Variants in SEMA5A observed in about 807,000 individuals in gnomAD.
The protein encoded by SEMA5A is semaphorin 5A.
A neutral mutation model predicts 135.5 loss-of-function variants in SEMA5A; 55 were observed. The observed-to-expected ratio is 0.41, with a 90% confidence interval of 0.33 to 0.51. The LOEUF (loss-of-function observed/expected upper bound fraction) is 0.51. Among genes scored for constraint, SEMA5A ranks in the 20% least tolerant of loss-of-function variants. The pLI is 0.37. For synonymous variants in SEMA5A, 580 were observed against 546.5 expected (o/e 1.06, Z -0.85); for missense variants, 1,290 against 1,419.9 (o/e 0.91, Z 1.47).
At chr5:9,353,389 AAAGG>A (rs1754298294) in intron 3 of SEMA5A, among the ~76,000 whole-genome samples, 2 of 148,044 alleles carry the variant, frequency 1.4e-5, no homozygotes, top group African/African-American at 5.1e-5. Context: ...AAAGGAAAGG[AAAGG>A]AAGGGAAAGA....
At chr5:9,054,294 C>A (rs761010458) in intron 18 of SEMA5A, 37 bp from the exon 19 acceptor site, 2 of 1,582,444 alleles carry the variant, frequency 1.3e-6, no homozygotes, top group South Asian at 1.2e-5. Flanking sequence ...CTTCTATAAT[C>A]CAATCCCAAC....
chr5:9,505,262 GAAGGCAA>G (rs915062279), intron 1 of SEMA5A, among the ~76,000 whole-genome samples: 4 of 152,146 alleles, frequency 2.6e-5, no homozygotes, highest in Non-Finnish European at 5.9e-5. Context: ...CTTATTTCTA[GAAGGCAA>G]AAGGCAAAAG....
At position 9,036,218 on chromosome 5, in the gene SEMA5A, C is replaced by CAA. The variant is rs773328261; in HGVS notation, c.*6677_*6678dup. On this transcript the variant is annotated 3_prime_UTR_variant, in exon 23 of 23. Transcript: ENST00000382496. Reference sequence around the variant, plus strand: ...TAAAGATTCATACTGTGCTTTGTTTCAAAGTGCAGAGGTTCAGCTTGCTTT... The same window carrying CAA: ...TAAAGATTCATACTGTGCTTTGTTTCAAAAAGTGCAGAGGTTCAGCTTGCTTT... 3.9e-5 allele frequency: 6 copies of CAA among 152,146 alleles called. No homozygotes were observed. The highest frequency in any genetic ancestry group is 7.3e-5 in the Non-Finnish European group (5 of 68,036). 9.4% of individuals were successfully genotyped at this position (152,146 alleles called of 1,614,324 possible).
At chr5:9,155,479 C>T (rs940557067) in intron 11 of SEMA5A, among the ~76,000 whole-genome samples, 2 of 151,176 alleles carry the variant, frequency 1.3e-5, no homozygotes, top group African/African-American at 2.5e-5. Flanking sequence ...ATTGCTCTCC[C>T]AGGTACCCTG....
chr5:9,162,763 A>T (rs1329182596), intron 11 of SEMA5A, among the ~76,000 whole-genome samples: 1 of 151,732 alleles, frequency 6.6e-6, no homozygotes, highest in Non-Finnish European at 1.5e-5. Context: ...AAACAGTCAA[A>T]GATATGATGG....
intron 16 of SEMA5A, among the ~76,000 whole-genome samples, chr5:9,093,115 T>C (rs1411365543): frequency 6.6e-6 from 1 of 152,182 alleles, no homozygotes; most frequent in African/African-American, 2.4e-5. Context: ...TTAGGAGTAC[T>C]TACTAAGGTA....
chr5:9,504,273 A>G (rs995078058), intron 1 of SEMA5A, among the ~76,000 whole-genome samples: 1 of 151,864 alleles, frequency 6.6e-6, no homozygotes, highest in African/African-American at 2.4e-5. Context: ...TTTCACTAGC[A>G]TCATATTATA....
At chr5:9,402,396 C>T (rs1579482626) in intron 2 of SEMA5A, among the ~76,000 whole-genome samples, 1 of 152,346 alleles carries the variant, frequency 6.6e-6, no homozygotes, top group East Asian at 1.9e-4. Context: ...TCTGGAATCA[C>T]ACAGATGTGA....
chr5:9,428,088 GTATATATATATATATATA>G (rs10536071), intron 2 of SEMA5A, among the ~76,000 whole-genome samples: 1 of 145,648 alleles, frequency 6.9e-6, no homozygotes, highest in Admixed American at 7.0e-5. Flanking sequence ...ATATGTGTGT[GTATATATATATATATATA>G]TATATATATA....
At chr5:9,377,923 C>G (rs1755434161) in intron 3 of SEMA5A, among the ~76,000 whole-genome samples, 1 of 152,008 alleles carries the variant, frequency 6.6e-6, no homozygotes, top group Non-Finnish European at 1.5e-5. Flanking sequence ...TCTTGTCAAC[C>G]CAGAGAGTAA....
chr5:9,314,925 A>C (rs1752326174), intron 5 of SEMA5A, among the ~76,000 whole-genome samples: 1 of 152,094 alleles, frequency 6.6e-6, no homozygotes, highest in South Asian at 2.1e-4. Flanking sequence ...CTAAGCTCTC[A>C]CCACGTGGTG....
intron 5 of SEMA5A, among the ~76,000 whole-genome samples, chr5:9,313,756 A>G (rs1205716): frequency 1 from 151,948 of 152,290 alleles, 75,805 homozygotes; most frequent in Middle Eastern, 1. Context: ...AGTGAAACTC[A>G]AGGATGGGCA....
rs544506826 is a variant in SEMA5A at position 9,408,012 on chromosome 5, C to CATCACCATCACTACT, written c.-77-27990_-77-27989insAGTAGTGATGGTGAT. Among the ~76,000 whole-genome samples, 911 of 151,334 alleles carry CATCACCATCACTACT rather than the reference C, an allele frequency of 6.0e-3. 9 individuals carry two copies. The highest frequency in any genetic ancestry group is 0.021 in the African/African-American group (844 of 40,844). ...CTACTGCCATCATCACCATCACTAC[C>CATCACCATCACTACT]AACACCACAACTACCACCATCATTA... On this transcript the variant is annotated intron_variant, in intron 2 of 22. Transcript: ENST00000382496.
intron 12 of SEMA5A, among the ~76,000 whole-genome samples, chr5:9,137,566 C>T (rs768166202): frequency 2.0e-5 from 3 of 152,012 alleles, no homozygotes; most frequent in Non-Finnish European, 4.4e-5. Flanking sequence ...TGTGAATGCA[C>T]CAAGAAGTTG....
chr5:9,527,631 T>A (rs1023813891), intron 1 of SEMA5A, among the ~76,000 whole-genome samples: 2 of 152,244 alleles, frequency 1.3e-5, no homozygotes, highest in African/African-American at 4.8e-5. Flanking sequence ...TCTTGAATCA[T>A]CACAAAGTAA....
intron 5 of SEMA5A, among the ~76,000 whole-genome samples, chr5:9,288,163 G>A (rs902120603): frequency 8.5e-5 from 13 of 152,176 alleles, no homozygotes; most frequent in Admixed American, 4.6e-4. Flanking sequence ...TAGGAATTAC[G>A]TGACACCATC....
chr5:9,058,585 T>C (rs1737017209), intron 18 of SEMA5A, among the ~76,000 whole-genome samples: 1 of 152,228 alleles, frequency 6.6e-6, no homozygotes, highest in Non-Finnish European at 1.5e-5. Flanking sequence ...GATAACATTC[T>C]TGTTGTAGAG....
chr5:9,453,526 G>A (rs531940298), intron 1 of SEMA5A, among the ~76,000 whole-genome samples: 20 of 152,326 alleles, frequency 1.3e-4, no homozygotes, highest in African/African-American at 4.6e-4. Flanking sequence ...GAAAATGCAT[G>A]TGTTAGATAA....
intron 2 of SEMA5A, among the ~76,000 whole-genome samples, chr5:9,400,501 A>ATTTTTTTTTTTTTTTTTTTTTTTT (rs1215358817): frequency 1.1e-5 from 1 of 87,040 alleles, no homozygotes; most frequent in African/African-American, 5.1e-5. Context: ...CACAATGTAC[A>ATTTTTTTTTTTTTTTTTTTTTTTT]TTTTTTTTTT....
Sources: gnomAD v4.1 joint callset for allele counts (sites outside exome capture counted in the v4.1 genomes callset) on GRCh38, gnomAD v4.1.1 for gene constraint, MANE v1.5 for transcripts, NCBI Gene and HGNC (gene_info 2026-07-23, HGNC 2026-07-21) for gene names.